HECW2: variants seen among roughly 807,000 people sequenced by gnomAD.
HECW2 encodes the protein HECT, C2 and WW domain containing E3 ubiquitin protein ligase 2, also known as E3 ubiquitin-protein ligase HECW2.
A neutral mutation model predicts 175.2 loss-of-function variants in HECW2; 61 were observed. That is an observed-to-expected ratio of 0.35 (90% CI 0.28 to 0.43). The LOEUF is 0.43. Among genes scored for constraint, HECW2 ranks in the 20% least tolerant of loss-of-function variants. HECW2 has a pLI of 1.00. For synonymous variants in HECW2, 671 were observed against 731.0 expected (o/e 0.92, Z 1.32); for missense variants, 1,524 against 2,000.5 (o/e 0.76, Z 4.54).
At position 196,195,706 on chromosome 2, in the gene HECW2, A is replaced by T. The variant is rs532138716; in HGVS notation, c.*5571T>A. 1 of 152,210 alleles carries T rather than the reference A, an allele frequency of 6.6e-6. No homozygotes were observed. Among genetic ancestry groups the T allele is most frequent in the Non-Finnish European group, 1.5e-5 (1 of 68,028 alleles). The allele number at this position is 152,210 out of a possible 1,614,324, so 9.4% of individuals were successfully genotyped here. On this transcript the variant is annotated 3_prime_UTR_variant, in exon 29 of 29. Transcript: ENST00000644978. ...TCCGCTAAAAAAACCAAATAAGTAT[A>T]ATGAAATAAAAGCACCCTTTCTTTC...
chr2:196,271,071 A>G lies in HECW2; in HGVS notation c.3335+122T>C, dbSNP rs1363959125. On this transcript the variant is annotated intron_variant, in intron 17 of 28. Transcript: ENST00000644978. ...GGTGATGATGACAAAATATTTGCAT[A>G]CAAGATGTTTTGCAAAGGATGTCAG... 3.1e-5 allele frequency: 20 copies of G among 649,890 alleles called. No individual in the cohort carries two copies. In the South Asian group the frequency reaches 3.8e-4, roughly 12 times the overall value. The allele number at this position is 649,890 out of a possible 1,614,324, so 40.3% of individuals were successfully genotyped here. A position where few individuals can be genotyped will look rare whatever the true frequency, so the allele number is the denominator to read the frequency against.
intron 1 of HECW2, among the ~76,000 whole-genome samples, chr2:196,565,442 T>C (rs1273878641): frequency 6.6e-6 from 1 of 152,212 alleles, no homozygotes; most frequent in Non-Finnish European, 1.5e-5. Context: ...TGACATGTTC[T>C]TTACTTTGTT....
At chr2:196,585,755 T>G (rs10171414) in intron 1 of HECW2, among the ~76,000 whole-genome samples, 123,977 of 152,096 alleles carry the variant, frequency 0.82, 50,885 homozygotes, top group East Asian at 0.96. Context: ...GGGTATCCAA[T>G]ACCACTATAA....
At chr2:196,240,732 TA>T in intron 20 of HECW2, among the ~76,000 whole-genome samples, 170 bp from the exon 21 acceptor site, 1 of 148,856 alleles carries the variant, frequency 6.7e-6, no homozygotes, top group South Asian at 2.2e-4. Context: ...GAACTCTTAA[TA>T]GCATTAGCAA....
chr2:196,306,536 C>G lies in HECW2; in HGVS notation c.2766G>C (p.Val922=). 6.2e-7 allele frequency: 1 copy of G among 1,612,754 alleles called. No homozygotes were observed. The highest frequency in any genetic ancestry group is 1.1e-5 in the South Asian group (1 of 90,854). ...AGAACTCTGGGCTGATGAGGAACTT[C>G]ACGGGGGGAGACTGTAACAGCAACG... is the stretch of plus-strand genomic sequence containing the variant. ...RITLLLQSPP[V]KFLISPEFFT... is the part of the protein sequence containing the mutation. Residue 922 remains valine, a synonymous_variant, in exon 13 of 29, where the codon GTG becomes GTC. Coordinates refer to ENST00000644978, the MANE Select transcript of HECW2 (RefSeq NM_001348768.2).
At chr2:196,312,613 G>A (rs560085513) in intron 10 of HECW2, among the ~76,000 whole-genome samples, 4 of 152,262 alleles carry the variant, frequency 2.6e-5, no homozygotes, top group South Asian at 2.1e-4. Flanking sequence ...ATTGAAAGGG[G>A]GTACAAAGGG....
At chr2:196,439,895 T>C (rs1695990226) in intron 1 of HECW2, among the ~76,000 whole-genome samples, 2 of 152,058 alleles carry the variant, frequency 1.3e-5, no homozygotes, top group African/African-American at 2.4e-5. Context: ...AGAAGACGGA[T>C]TTTAGTGACA....
At chr2:196,339,426 A>G (rs1692665702) in intron 3 of HECW2, among the ~76,000 whole-genome samples, 3 of 152,236 alleles carry the variant, frequency 2.0e-5, no homozygotes, top group Admixed American at 1.3e-4. Context: ...ATTTATACAA[A>G]TATCAGTGTT....
chr2:196,378,828 G>C (rs1415569626), intron 2 of HECW2, among the ~76,000 whole-genome samples: 2 of 152,074 alleles, frequency 1.3e-5, no homozygotes, highest in African/African-American at 4.8e-5. Flanking sequence ...AAATCAATGA[G>C]AAACATTCTA....
rs75220993 is a variant in HECW2 at position 196,200,199 on chromosome 2, G to A, written c.*1078C>T. 9.7e-3 allele frequency: 1,482 copies of A among 152,628 alleles called. 41 individuals are homozygous for A. Among genetic ancestry groups the A allele is most frequent in the East Asian group, 0.079 (409 of 5,186 alleles). 9.5% of individuals were successfully genotyped at this position (152,628 alleles called of 1,614,324 possible). ...GCACAGTCCTTGTAGTGGTAGACAC[G>A]GCACTGTGAAGGAAGTTTGATTTAG... On this transcript the variant is annotated 3_prime_UTR_variant, in exon 29 of 29. Coordinates refer to ENST00000644978, the MANE Select transcript of HECW2 (RefSeq NM_001348768.2).
At chr2:196,539,398 C>T (rs986307026) in intron 1 of HECW2, among the ~76,000 whole-genome samples, 8 of 152,168 alleles carry the variant, frequency 5.3e-5, no homozygotes, top group East Asian at 3.9e-4. Context: ...TTTGGGAGGC[C>T]GAGGCGGGTG....
At chr2:196,564,741 T>C (rs985904496) in intron 1 of HECW2, among the ~76,000 whole-genome samples, 15 of 152,138 alleles carry the variant, frequency 9.9e-5, no homozygotes, top group African/African-American at 3.6e-4. Context: ...TAAAAACTTA[T>C]GTTCCTCAAC....
chr2:196,426,752 C>G (rs1189302382), intron 2 of HECW2, among the ~76,000 whole-genome samples: 2 of 152,098 alleles, frequency 1.3e-5, no homozygotes, highest in African/African-American at 2.4e-5. Context: ...CCAGCCTTGA[C>G]TCTTCCCCCA....
chr2:196,336,640 TA>T (rs944348634), intron 3 of HECW2, among the ~76,000 whole-genome samples: 5 of 152,024 alleles, frequency 3.3e-5, no homozygotes, highest in East Asian at 3.9e-4. Context: ...GACAATGAGA[TA>T]AAAAAAATGT....
At chr2:196,370,591 G>C (rs1250789246) in intron 2 of HECW2, among the ~76,000 whole-genome samples, 1 of 152,106 alleles carries the variant, frequency 6.6e-6, no homozygotes, top group African/African-American at 2.4e-5. Context: ...ACAGCACCAG[G>C]ACTTGCCCAG....
intron 1 of HECW2, among the ~76,000 whole-genome samples, chr2:196,515,959 A>G (rs1285817237): frequency 7.4e-6 from 1 of 134,956 alleles, no homozygotes; most frequent in Non-Finnish European, 1.6e-5. Flanking sequence ...CCACCTCTCT[A>G]CTAAAAAAAA....
At chr2:196,435,602 T>G (rs907773538) in intron 1 of HECW2, among the ~76,000 whole-genome samples, 3 of 152,256 alleles carry the variant, frequency 2.0e-5, no homozygotes, top group Admixed American at 1.3e-4. Flanking sequence ...CATGTATGTA[T>G]GCCCACATTA....
In HECW2 at chr2:196,417,783, G is replaced by A. The variant is rs114572930; in HGVS notation, c.292+15349C>T. On this transcript the variant is annotated intron_variant, in intron 2 of 28. Coordinates refer to ENST00000644978, the MANE Select transcript of HECW2 (RefSeq NM_001348768.2). ...CAGGTTTTGGCAGTTAAAGTGAAAA[G>A]AGAAAAAGTGGCTGTCATGGAGCCC... 2.3e-3 allele frequency among the ~76,000 whole-genome samples: 348 copies of A among 152,300 alleles called. 1 individual carries two copies. Among genetic ancestry groups the A allele is most frequent in the African/African-American group, 7.9e-3 (329 of 41,564 alleles).
At chr2:196,497,467 G>A (rs1469729176) in intron 1 of HECW2, among the ~76,000 whole-genome samples, 1 of 152,152 alleles carries the variant, frequency 6.6e-6, no homozygotes. Flanking sequence ...GGAGATTGTT[G>A]ACTTAACTGA....
Sources: gnomAD v4.1 joint callset for allele counts (sites outside exome capture counted in the v4.1 genomes callset) on GRCh38, gnomAD v4.1.1 for gene constraint, MANE v1.5 for transcripts, NCBI Gene and HGNC (gene_info 2026-07-23, HGNC 2026-07-21) for gene names.